RASGEF1B: variants seen among roughly 807,000 people sequenced by gnomAD.
RASGEF1B encodes the protein RasGEF domain family member 1B, also known as ras-GEF domain-containing family member 1B.
RASGEF1B carries 30 observed loss-of-function variants against 65.7 expected under a neutral mutation model. The observed-to-expected ratio is 0.46, with a 90% confidence interval of 0.34 to 0.62. The LOEUF is 0.62. Among genes scored for constraint, RASGEF1B ranks in the 20% least tolerant of loss-of-function variants. The pLI is 0.01. For synonymous variants in RASGEF1B, 175 were observed against 194.8 expected, an observed-to-expected ratio of 0.90 and a Z score of 0.85; for missense variants, 495 against 580.1, an observed-to-expected ratio of 0.85 and a Z score of 1.51.
Position 81,427,600 on chromosome 4 carries a change from A to G in RASGEF1B, c.*168T>C. On this transcript the variant is annotated 3_prime_UTR_variant, in exon 14 of 14. Coordinates refer to ENST00000264400, the MANE Select transcript of RASGEF1B (RefSeq NM_152545.3). ...GTCTATCTGTCAGCTGCAGGAAATA[A>G]GTTCTCCATCTGGTCTTGAGTGAGC... 2 of 568,124 alleles carry G rather than the reference A, an allele frequency of 3.5e-6. No individual in the cohort carries two copies. The highest frequency in any genetic ancestry group is 2.6e-5 in the South Asian group (1 of 38,714). 35.2% of individuals were successfully genotyped at this position (568,124 alleles called of 1,614,324 possible).
intron 1 of RASGEF1B, among the ~76,000 whole-genome samples, chr4:81,466,469 C>T (rs535714150): frequency 1.1e-3 from 163 of 152,006 alleles, no homozygotes; most frequent in Non-Finnish European, 1.9e-3. Context: ...AATTTGAAAA[C>T]GTCAAGATTG....
At position 81,427,401 on chromosome 4, in the gene RASGEF1B, G is replaced by T; in HGVS notation, c.*367C>A. ...CTCAGCTGGGCAAGTCCCATTAGCA[G>T]CAAATGTTCAACCAAATTAAAAAAA... On this transcript the variant is annotated 3_prime_UTR_variant, in exon 14 of 14. Coordinates refer to ENST00000264400, the MANE Select transcript of RASGEF1B (RefSeq NM_152545.3). 4.6e-6 allele frequency: 1 copy of T among 215,376 alleles called. No individual in the cohort carries two copies. The highest frequency in any genetic ancestry group is 9.1e-6 in the Non-Finnish European group (1 of 109,978). The allele number at this position is 215,376 out of a possible 1,614,324, so 13.3% of individuals were successfully genotyped here. A position where few individuals can be genotyped will look rare whatever the true frequency, so the allele number is the denominator to read the frequency against.
chr4:81,444,457 T>C (rs1410987157), intron 8 of RASGEF1B, among the ~76,000 whole-genome samples: 1 of 152,218 alleles, frequency 6.6e-6, no homozygotes, highest in Admixed American at 6.5e-5. Context: ...AGGGAGAATT[T>C]ATTAGATTAA....
chr4:81,446,346 G>A (rs137951505), intron 6 of RASGEF1B, among the ~76,000 whole-genome samples: 24 of 152,268 alleles, frequency 1.6e-4, no homozygotes, highest in Non-Finnish European at 2.5e-4. Context: ...GCACTCTAGC[G>A]TGGGTGGCAG....
chr4:81,441,069 A>G, intron 9 of RASGEF1B, 140 bp from the exon 10 acceptor site: 1 of 575,952 alleles, frequency 1.7e-6, no homozygotes, highest in Non-Finnish European at 3.1e-6. Context: ...TATCCTTCTC[A>G]TACACACAAA....
intron 4 of RASGEF1B, chr4:81,454,680 C>T (rs1355062039): frequency 6.6e-6 from 1 of 152,194 alleles, no homozygotes; most frequent in Non-Finnish European, 1.5e-5. Context: ...AAGAGGCAAA[C>T]TGGCAAAATG....
In RASGEF1B at chr4:81,427,419, T is replaced by TA. The variant is rs1406082507; in HGVS notation, c.*348dup. 33 of 250,278 alleles carry TA rather than the reference T, an allele frequency of 1.3e-4. No individual in the cohort carries two copies. Among genetic ancestry groups the TA allele is most frequent in the Middle Eastern group, 1.2e-3 (1 of 846 alleles). 15.5% of individuals were successfully genotyped at this position (250,278 alleles called of 1,614,324 possible). A position where few individuals can be genotyped will look rare whatever the true frequency, so the allele number is the denominator to read the frequency against. ...ATTAGCAGCAAATGTTCAACCAAATTAAAAAAAACACACACACACAAAAGA... is the reference window on the plus strand; with the variant it reads ...ATTAGCAGCAAATGTTCAACCAAATTAAAAAAAAACACACACACACAAAAGA... On this transcript the variant is annotated 3_prime_UTR_variant, in exon 14 of 14. Coordinates refer to ENST00000264400, the MANE Select transcript of RASGEF1B (RefSeq NM_152545.3).
chr4:81,436,471 T>C (rs1721636299), intron 10 of RASGEF1B, among the ~76,000 whole-genome samples: 2 of 152,236 alleles, frequency 1.3e-5, no homozygotes, highest in Admixed American at 6.5e-5. Context: ...TGAGGTGGTA[T>C]TTAATTAATT....
intron 1 of RASGEF1B, among the ~76,000 whole-genome samples, chr4:81,463,838 T>G (rs1408895894): frequency 6.6e-6 from 1 of 152,224 alleles, no homozygotes; most frequent in Non-Finnish European, 1.5e-5. Context: ...GCTTCAGTTC[T>G]GGAATTGAAA....
chr4:81,427,708 G>A lies in RASGEF1B; in HGVS notation c.*60C>T, dbSNP rs931489293. 1.3e-5 allele frequency: 21 copies of A among 1,605,342 alleles called. No individual in the cohort carries two copies. The Admixed American group carries it at 3.5e-4, about 27-fold the overall frequency. ...TGGTACGAGATGCCAGAAAACAAAG[G>A]CCAGCCCCTCCATGATCTGCAGGAA... On this transcript the variant is annotated 3_prime_UTR_variant, in exon 14 of 14. Coordinates refer to ENST00000264400, the MANE Select transcript of RASGEF1B (RefSeq NM_152545.3).
chr4:81,430,205 G>A (rs1578607543), intron 13 of RASGEF1B, among the ~76,000 whole-genome samples: 5 of 152,296 alleles, frequency 3.3e-5, no homozygotes, highest in Admixed American at 2.6e-4. Context: ...GGAGGCTGAA[G>A]CAGGAGAATG....
intron 13 of RASGEF1B, 82 bp from the exon 14 acceptor site, chr4:81,427,874 AT>A: frequency 7.6e-7 from 1 of 1,322,492 alleles, no homozygotes; most frequent in Non-Finnish European, 1.0e-6. Flanking sequence ...TGTAATACTA[AT>A]TTTATCTTTC....
chr4:81,435,653 T>C (rs1330760970), intron 10 of RASGEF1B, among the ~76,000 whole-genome samples: 3 of 149,800 alleles, frequency 2.0e-5, no homozygotes, highest in Admixed American at 6.6e-5. Flanking sequence ...TTTTTGTATT[T>C]TTTAGTAGAG....
chr4:81,465,230 C>G (rs921618128), intron 1 of RASGEF1B, among the ~76,000 whole-genome samples: 3 of 151,814 alleles, frequency 2.0e-5, no homozygotes, highest in African/African-American at 7.3e-5. Context: ...TTCTTTTCTG[C>G]AAAAATTGAG....
At chr4:81,457,700 A>G in intron 2 of RASGEF1B, 79 bp from the exon 3 acceptor site, 1 of 1,506,064 alleles carries the variant, frequency 6.6e-7, no homozygotes, top group Non-Finnish European at 9.1e-7. Flanking sequence ...GTCTTATTTC[A>G]TTAAGTTCTC....
chr4:81,457,163 T>A (rs1722474987), intron 3 of RASGEF1B, among the ~76,000 whole-genome samples: 1 of 152,132 alleles, frequency 6.6e-6, no homozygotes, highest in South Asian at 2.1e-4. Flanking sequence ...ATTACAGGCA[T>A]GCGCCACCAG....
rs1198153604 is a variant in RASGEF1B, at chr4:81,426,654, G to A, written c.*1114C>T. On this transcript the variant is annotated 3_prime_UTR_variant, in exon 14 of 14. Transcript: ENST00000264400. The stretch of plus-strand genomic sequence containing the variant: ...ACAGACTTACTTAGATGTTTAACAA[G>A]GTGAACGATTTCACAATTAGATCAA... The A allele has an allele frequency of 6.6e-6, 1 of 152,082 alleles. No homozygotes were observed. Among genetic ancestry groups the A allele is most frequent in the Non-Finnish European group, 1.5e-5 (1 of 68,034 alleles). 9.4% of individuals were successfully genotyped at this position (152,082 alleles called of 1,614,324 possible).
intron 1 of RASGEF1B, among the ~76,000 whole-genome samples, chr4:81,466,767 A>T (rs1218933209): frequency 7.7e-6 from 1 of 129,482 alleles, no homozygotes; most frequent in African/African-American, 3.1e-5. Flanking sequence ...TCAAAAAAAA[A>T]AAAAAAGAAA....
At chr4:81,466,521 A>C (rs1578643687) in intron 1 of RASGEF1B, among the ~76,000 whole-genome samples, 1 of 152,162 alleles carries the variant, frequency 6.6e-6, no homozygotes, top group East Asian at 1.9e-4. Flanking sequence ...GCTCTTTGGG[A>C]GGCTGAGGTG....
Sources: gnomAD v4.1 joint callset for allele counts (sites outside exome capture counted in the v4.1 genomes callset) on GRCh38, gnomAD v4.1.1 for gene constraint, MANE v1.5 for transcripts, NCBI Gene and HGNC (gene_info 2026-07-23, HGNC 2026-07-21) for gene names.